Variants in EIF2AK4 observed in about 807,000 individuals in gnomAD.
EIF2AK4 encodes the protein eukaryotic translation initiation factor 2 alpha kinase 4, also known as eIF-2-alpha kinase GCN2.
EIF2AK4 carries 139 observed loss-of-function variants against 211.1 expected under a neutral mutation model. The observed-to-expected ratio is 0.66, with a 90% CI of 0.57 to 0.76. The LOEUF is 0.76. Among genes scored for constraint, EIF2AK4 ranks in the 30% least tolerant of loss-of-function variants. EIF2AK4 has a pLI of 0.00. For synonymous variants in EIF2AK4, 710 were observed against 751.3 expected (o/e 0.94, Z 0.90); for missense variants, 1,664 against 2,043.8 (o/e 0.81, Z 3.58).
At chr15:39,973,534 G>A in intron 10 of EIF2AK4, 58 bp from the exon 11 acceptor site, 1 of 1,513,820 alleles carries the variant, frequency 6.6e-7, no homozygotes, top group South Asian at 1.3e-5. Context: ...TGTTGGCTAT[G>A]TAGCTCTTCC....
chr15:39,969,356 CTTTTT>C lies in EIF2AK4; in HGVS notation c.1553+1495_1553+1499del, dbSNP rs10550245. ...CTTGAGATCAGCACAATTTCTTATT[CTTTTT>C]TTTTTTTTTTTTTTTTTGAGATGGA... On this transcript the variant is annotated intron_variant, in intron 9 of 38. Transcript: ENST00000263791. Among the ~76,000 whole-genome samples, 36 of 101,274 alleles carry C rather than the reference CTTTTT, an allele frequency of 3.6e-4. 1 individual carries two copies. The East Asian group carries it at 6.1e-3, about 17-fold the overall frequency. 66.4% of individuals were successfully genotyped at this position (101,274 alleles called of 152,430 possible).
intron 4 of EIF2AK4, among the ~76,000 whole-genome samples, chr15:39,952,565 C>T (rs953582794): frequency 1.1e-4 from 16 of 152,092 alleles, no homozygotes; most frequent in South Asian, 2.1e-4. Flanking sequence ...CATGAGCCAC[C>T]GTGCCCAGCA....
chr15:39,985,856 A>G lies in EIF2AK4; in HGVS notation c.2371A>G (p.Thr791Ala), dbSNP rs757674757. ...CTGCCATGAAAGTGAGCCATCAGTG[A>G]CGACTGAGGCTGTGCACTACCTATA... ...NGCHESEPSVTTEAVHYLYIQ... is the reference protein window; with the variant it reads ...NGCHESEPSVATEAVHYLYIQ... Residue 791 changes from threonine to alanine, a missense_variant, in exon 14 of 39, where the codon ACG becomes GCG. This residue lies in a region of EIF2AK4 where 206 missense variants were observed against 201.9 expected (regional missense o/e 1.02). Coordinates refer to ENST00000263791, the MANE Select transcript of EIF2AK4 (RefSeq NM_001013703.4). 5 of 1,614,128 alleles carry G rather than the reference A, an allele frequency of 3.1e-6. No individual in the cohort carries two copies. The South Asian group carries it at 5.5e-5, about 18-fold the overall frequency.
chr15:40,027,752 A>G (rs760834940), intron 33 of EIF2AK4, among the ~76,000 whole-genome samples: 35 of 152,056 alleles, frequency 2.3e-4, no homozygotes, highest in Non-Finnish European at 4.7e-4. Context: ...TTAGCGGGGC[A>G]TGGTGGCGGG....
intron 27 of EIF2AK4, among the ~76,000 whole-genome samples, chr15:40,012,685 TTATAAA>T (rs1356095303): frequency 6.6e-6 from 1 of 152,298 alleles, no homozygotes; most frequent in African/African-American, 2.4e-5. Flanking sequence ...TAAGAAAGTC[TTATAAA>T]TATACATTCG....
chr15:40,026,391 A>G (rs1056826507), intron 33 of EIF2AK4, among the ~76,000 whole-genome samples: 1 of 152,204 alleles, frequency 6.6e-6, no homozygotes, highest in African/African-American at 2.4e-5. Flanking sequence ...CAGGAGGTCA[A>G]GGCTGCAGTG....
chr15:40,016,409 T>C lies in EIF2AK4; in HGVS notation c.3760-93T>C, dbSNP rs1016769482. ...CCACAAAGATAATCGTAGCATCCCATGTGCTCCTGCTCCTGCAGGTGCACA... is the reference window on the plus strand; with the variant it reads ...CCACAAAGATAATCGTAGCATCCCACGTGCTCCTGCTCCTGCAGGTGCACA... On this transcript the variant is annotated intron_variant, in intron 27 of 38. Coordinates refer to ENST00000263791, the MANE Select transcript of EIF2AK4 (RefSeq NM_001013703.4). 5.5e-6 allele frequency: 8 copies of C among 1,445,226 alleles called. No individual in the cohort carries two copies. In the South Asian group the frequency reaches 8.5e-5, roughly 15 times the overall value. The allele number at this position is 1,445,226 out of a possible 1,614,324, so 89.5% of individuals were successfully genotyped here. A position where few individuals can be genotyped will look rare whatever the true frequency, so the allele number is the denominator to read the frequency against.
chr15:40,003,141 TCTA>T (rs2035114876), intron 22 of EIF2AK4, 49 bp from the exon 23 acceptor site: 1 of 1,603,920 alleles, frequency 6.2e-7, no homozygotes, highest in Non-Finnish European at 8.5e-7. Context: ...TAGGTTGCCT[TCTA>T]AGGAGAATGT....
intron 27 of EIF2AK4, among the ~76,000 whole-genome samples, chr15:40,016,155 T>C (rs111514997): frequency 3.6e-4 from 55 of 152,310 alleles, no homozygotes; most frequent in African/African-American, 1.3e-3. Flanking sequence ...CAGGAATTCA[T>C]GAGAATAAGA....
At chr15:40,004,951 C>T (rs1318241837) in intron 23 of EIF2AK4, among the ~76,000 whole-genome samples, 1 of 152,152 alleles carries the variant, frequency 6.6e-6, no homozygotes, top group African/African-American at 2.4e-5. Context: ...GATTCCACAT[C>T]CACGTATCCA....
intron 30 of EIF2AK4, among the ~76,000 whole-genome samples, chr15:40,020,233 T>G (rs2035365104): frequency 6.6e-6 from 1 of 151,704 alleles, no homozygotes. Flanking sequence ...GAAATAGCTT[T>G]TTTTCCCCCT....
At chr15:39,978,050 C>T in intron 12 of EIF2AK4, 28 bp from the exon 13 acceptor site, 3 of 1,523,302 alleles carry the variant, frequency 2.0e-6, no homozygotes, top group Non-Finnish European at 1.8e-6. Flanking sequence ...ATTTCTGTTC[C>T]TTTAGTATTT....
At chr15:39,943,355 T>C in intron 2 of EIF2AK4, 28 bp from the exon 3 acceptor site, 3 of 1,015,194 alleles carry the variant, frequency 3.0e-6, no homozygotes, top group Non-Finnish European at 3.9e-6. Flanking sequence ...GTAACTCTTT[T>C]TTTTTTTTTT....
intron 13 of EIF2AK4, among the ~76,000 whole-genome samples, chr15:39,983,342 G>A (rs2034820003): frequency 1.3e-5 from 2 of 152,078 alleles, no homozygotes; most frequent in African/African-American, 4.8e-5. Context: ...CTGCATAAAT[G>A]TCTTCTTTTG....
chr15:39,960,021 A>G (rs986118519), intron 6 of EIF2AK4, among the ~76,000 whole-genome samples: 4 of 151,996 alleles, frequency 2.6e-5, no homozygotes, highest in Admixed American at 6.6e-5. Context: ...AAAATTAGCT[A>G]GGCATGGTGG....
Position 39,985,896 on chromosome 15 carries a change from C to T in EIF2AK4, c.2403+8C>T, listed in dbSNP as rs535452982. ...CACTACCTATACATCCAGGTGAGGTCGTGGTGTGTAGTTAGGTGACACAGC... is the reference window on the plus strand; with the variant it reads ...CACTACCTATACATCCAGGTGAGGTTGTGGTGTGTAGTTAGGTGACACAGC... On this transcript the variant is annotated splice_region_variant and intron_variant, in intron 14 of 38. Coordinates refer to ENST00000263791, the MANE Select transcript of EIF2AK4 (RefSeq NM_001013703.4). 23 of 1,613,026 alleles carry T rather than the reference C, an allele frequency of 1.4e-5. No individual in the cohort carries two copies. Among genetic ancestry groups the T allele is most frequent in the African/African-American group, 2.7e-5 (2 of 75,002 alleles).
At chr15:40,019,069 A>G (rs756233494) in intron 29 of EIF2AK4, 24 bp from the exon 30 acceptor site, 4 of 1,540,426 alleles carry the variant, frequency 2.6e-6, no homozygotes, top group South Asian at 1.2e-5. Context: ...TTTCATAACC[A>G]TAACTGTTTG....
At chr15:39,967,012 A>G (rs1406927258) in intron 8 of EIF2AK4, among the ~76,000 whole-genome samples, 3 of 152,234 alleles carry the variant, frequency 2.0e-5, no homozygotes, top group Admixed American at 1.3e-4. Context: ...TCTAGTGGCT[A>G]TACCTCAAAA....
chr15:39,985,838 G>T lies in EIF2AK4; in HGVS notation c.2353G>T (p.Glu785Ter). ...TTGCAATGAAAAGAATGGCTGCCAT[G>T]AAAGTGAGCCATCAGTGACGACTGA... The part of the protein sequence containing the change: ...EDCNEKNGCH[E>*]SEPSVTTEAV... Residue 785 changes from glutamate to a stop codon, truncating the protein, a stop_gained, in exon 14 of 39, where the codon GAA becomes TAA. Transcript: ENST00000263791. LOFTEE classifies it high-confidence loss of function. The T allele has an allele frequency of 6.2e-7, 1 of 1,614,180 alleles. No homozygotes were observed. Among genetic ancestry groups the T allele is most frequent in the East Asian group, 2.2e-5 (1 of 44,892 alleles).
Sources: allele counts gnomAD v4.1 joint callset (sites outside exome capture counted in the v4.1 genomes callset), GRCh38; gene constraint gnomAD v4.1.1; regional missense constraint gnomAD v4.1.1; transcripts MANE v1.5; gene names NCBI Gene and HGNC (gene_info 2026-07-23, HGNC 2026-07-21).